The following UPF2 variants were observed in gnomAD, a reference collection of about 807,000 sequenced individuals.
The protein encoded by UPF2 is UPF2 regulator of nonsense mediated mRNA decay.
UPF2 carries 17 observed loss-of-function variants against 141.4 expected under a neutral mutation model. That is an observed-to-expected ratio of 0.12 (90% CI 0.08 to 0.18). UPF2 has a LOEUF of 0.18. UPF2 is among the 10% of genes least tolerant of loss of function. The pLI, the probability that UPF2 is intolerant of heterozygous loss-of-function variation, is 1.00. For missense variants in UPF2, 1,152 were observed against 1,515.9 expected, an observed-to-expected ratio of 0.76 and a Z score of 3.99; for synonymous variants, 540 against 498.0, an observed-to-expected ratio of 1.08 and a Z score of -1.12.
upstream of UPF2, chr10:12,043,068 G>C (rs1834769605): frequency 1.3e-5 from 2 of 152,408 alleles, no homozygotes; most frequent in Admixed American, 1.3e-4. Flanking sequence ...CCGGGGCAAA[G>C]GCTCATATGA....
In UPF2 at chr10:12,029,208, G is replaced by C; in HGVS notation, c.682C>G (p.Leu228Val). 2 of 1,614,196 alleles carry C rather than the reference G, an allele frequency of 1.2e-6. No individual in the cohort carries two copies. The highest frequency in any genetic ancestry group is 8.5e-7 in the Non-Finnish European group (1 of 1,180,034). Residue 228 changes from leucine to valine, a missense_variant, in exon 3 of 22, where the codon CTC becomes GTC. By Grantham distance (32) the Leu-to-Val change is conservative. Coordinates refer to ENST00000357604, the MANE Select transcript of UPF2 (RefSeq NM_015542.4). ...DVNCAVHLCS[L>V]FHQRYADFAP... ...AAGTCAGCATAACGCTGGTGAAAGAGAGAGCAGAGGTGCACAGCACAGTTC... is the reference window on the plus strand; with the variant it reads ...AAGTCAGCATAACGCTGGTGAAAGACAGAGCAGAGGTGCACAGCACAGTTC...
intron 21 of UPF2, among the ~76,000 whole-genome samples, chr10:11,922,220 C>T (rs1261565798): frequency 6.6e-6 from 1 of 152,174 alleles, no homozygotes; most frequent in Non-Finnish European, 1.5e-5. Context: ...TTCCTGCCGG[C>T]GGCCTCCAGT....
rs1832917446 is a variant in UPF2 at position 11,939,991 on chromosome 10, AG to A, written c.3378+2673del. Among the ~76,000 whole-genome samples, 1 of 152,222 alleles carries A rather than the reference AG, an allele frequency of 6.6e-6. No individual in the cohort carries two copies. Among genetic ancestry groups the A allele is most frequent in the Non-Finnish European group, 1.5e-5 (1 of 68,048 alleles). ...AACATCTTCCTGGTGTGATATAATT[AG>A]GATTATACTAAGTTTAAGGGCTTGA... On this transcript the variant is annotated intron_variant, in intron 18 of 21. Transcript: ENST00000357604. The surrounding 1 kb of genome is among the most constrained non-coding windows in gnomAD (Gnocchi z 4.8).
At position 11,992,250 on chromosome 10, in the gene UPF2, G is replaced by A. The variant is rs1387307374; in HGVS notation, c.1844+5422C>T. 6.6e-6 allele frequency among the ~76,000 whole-genome samples: 1 copy of A among 152,140 alleles called. No homozygotes were observed. Among genetic ancestry groups the A allele is most frequent in the Non-Finnish European group, 1.5e-5 (1 of 68,022 alleles). On this transcript the variant is annotated intron_variant, in intron 8 of 21. Coordinates refer to ENST00000357604, the MANE Select transcript of UPF2 (RefSeq NM_015542.4). The surrounding 1 kb of genome is among the most constrained non-coding windows in gnomAD (Gnocchi z 4.1). Reference sequence around the variant, plus strand: ...GGATATGTCATCAATATAAAAATAAGTGAGGGGGGATGGAAAAGCAGACAG... The same window carrying A: ...GGATATGTCATCAATATAAAAATAAATGAGGGGGGATGGAAAAGCAGACAG...
Position 12,028,862 on chromosome 10 carries a change from A to C in UPF2, c.1028T>G (p.Ile343Arg). 6.2e-7 allele frequency: 1 copy of C among 1,614,154 alleles called. No homozygotes were observed. Among genetic ancestry groups the C allele is most frequent in the Non-Finnish European group, 8.5e-7 (1 of 1,180,030 alleles). ...GGGCTGTTGTTTCTCTGGACTAATT[A>C]TCTCACTAGGAGGAAAACTCAAATT... Reference protein sequence around the residue: ...KFNLSFPPSEIISPEKQQPFQ... With the variant: ...KFNLSFPPSERISPEKQQPFQ... Residue 343 changes from isoleucine to arginine, a missense_variant, in exon 3 of 22, where the codon ATA becomes AGA. Transcript: ENST00000357604.
Position 12,029,256 on chromosome 10 carries a change from C to T in UPF2, c.634G>A (p.Ala212Thr), listed in dbSNP as rs752224851. ...IAEAVASIVE[A>T]KLKISDVNCA... is the part of the protein sequence containing the mutation. ...TTCACATCAGAGATTTTTAGTTTTGCTTCCACGATGGAAGCTACAGCTTCT... is the reference window on the plus strand; with the variant it reads ...TTCACATCAGAGATTTTTAGTTTTGTTTCCACGATGGAAGCTACAGCTTCT... Residue 212 changes from alanine (A) to threonine (T), a missense_variant, in exon 3 of 22, where the codon GCA (alanine) becomes ACA (threonine). Physicochemically the swap from Ala to Thr is moderately conservative, Grantham distance 58 (BLOSUM62 0). Around this residue, in one of 4 missense-constraint regions of UPF2, gnomAD observed 739 missense variants for 1,032.2 expected, o/e 0.72. Transcript: ENST00000357604. 26 of 1,614,026 alleles carry T rather than the reference C, an allele frequency of 1.6e-5. No homozygotes were observed. Among genetic ancestry groups the T allele is most frequent in the Non-Finnish European group, 8.5e-7 (1 of 1,180,016 alleles).
chr10:12,003,036 C>G (rs1833978029), intron 5 of UPF2, among the ~76,000 whole-genome samples: 1 of 152,202 alleles, frequency 6.6e-6, no homozygotes, highest in Non-Finnish European at 1.5e-5. Flanking sequence ...AAAACTCTAA[C>G]TAGTATGAAT....
intron 7 of UPF2, 125 bp downstream of exon 7, chr10:11,999,780 TA>T: frequency 1.3e-6 from 1 of 773,920 alleles, no homozygotes; most frequent in Non-Finnish European, 2.2e-6. Flanking sequence ...AATTCCCATC[TA>T]AGACTTTATT....
chr10:11,978,528 C>T (rs923541522), intron 9 of UPF2, among the ~76,000 whole-genome samples: 3 of 152,090 alleles, frequency 2.0e-5, no homozygotes, highest in African/African-American at 7.2e-5. Flanking sequence ...GTAACAGGCC[C>T]CTGTTATTTC....
chr10:12,029,331 C>A lies in UPF2; in HGVS notation c.559G>T (p.Asp187Tyr), dbSNP rs769310247. The A allele has an allele frequency of 1.7e-5, 28 of 1,614,024 alleles. No homozygotes were observed. The South Asian group carries it at 3.1e-4, about 18-fold the overall frequency. The change falls in exon 3 of 22, where the codon GAC (aspartate) becomes TAC (tyrosine). Residue 187 changes from aspartate to tyrosine, a missense_variant. Coordinates refer to ENST00000357604, the MANE Select transcript of UPF2 (RefSeq NM_015542.4). ...CCATTAAAATCATGGGACAAGGAGTCTCTCTGTTGTTCTGTAATAGTTTTT... is the reference window on the plus strand; with the variant it reads ...CCATTAAAATCATGGGACAAGGAGTATCTCTGTTGTTCTGTAATAGTTTTT... Reference protein sequence around the residue: ...KLKTITEQQRDSLSHDFNGLN... With the variant: ...KLKTITEQQRYSLSHDFNGLN...
chr10:11,960,304 C>T (rs1169946876), intron 11 of UPF2, among the ~76,000 whole-genome samples: 1 of 152,092 alleles, frequency 6.6e-6, no homozygotes, highest in Non-Finnish European at 1.5e-5. Context: ...CCTAGCAACT[C>T]GGGAAGCTGA....
intron 16 of UPF2, among the ~76,000 whole-genome samples, chr10:11,945,308 T>C (rs942172088): frequency 2.6e-5 from 4 of 152,224 alleles, no homozygotes; most frequent in African/African-American, 4.8e-5. Flanking sequence ...AACACAGCAT[T>C]TGTTTTTAAG....
chr10:12,035,655 T>C, intron 1 of UPF2: 1 of 466,082 alleles, frequency 2.1e-6, no homozygotes, highest in South Asian at 6.8e-5. Flanking sequence ...TAAGTACTTG[T>C]TTTTTACTTT....
chr10:12,014,079 T>C lies in UPF2; in HGVS notation c.1251A>G (p.Ala417=). 1 of 1,599,434 alleles carries C rather than the reference T, an allele frequency of 6.3e-7. No homozygotes were observed. The stretch of plus-strand genomic sequence containing the variant: ...CTGGCATATTTTCATCCAAAAGGTC[T>C]GCTAAGGATTGAGAATTTGCCAGCA... ...QKLLANSQSL[A]DLLDENMPDL... The change falls in exon 4 of 22, where the codon GCA becomes GCG. Residue 417 remains alanine (A), a synonymous_variant. Coordinates refer to ENST00000357604, the MANE Select transcript of UPF2 (RefSeq NM_015542.4). This position sits in a 1 kb window ranked among gnomAD's most constrained non-coding sequence, Gnocchi z 5.0.
In UPF2 at chr10:11,920,885, G is replaced by T; in HGVS notation, c.*413C>A. The T allele has an allele frequency of 2.5e-6, 1 of 407,018 alleles. No homozygotes were observed. The highest frequency in any genetic ancestry group is 5.0e-6 in the Non-Finnish European group (1 of 199,008). The allele number at this position is 407,018 out of a possible 1,614,324, so 25.2% of individuals were successfully genotyped here. A position where few individuals can be genotyped will look rare whatever the true frequency, so the allele number is the denominator to read the frequency against. On this transcript the variant is annotated 3_prime_UTR_variant, in exon 22 of 22. Coordinates refer to ENST00000357604, the MANE Select transcript of UPF2 (RefSeq NM_015542.4). ...TCCAACGTGGGATGTTCAATTCAGA[G>T]ACACTGAAACTCAAATCAAGTTTAA... is the stretch of plus-strand genomic sequence containing the variant.
At chr10:12,037,523 G>C (rs913264329) in intron 1 of UPF2, among the ~76,000 whole-genome samples, 2 of 150,036 alleles carry the variant, frequency 1.3e-5, no homozygotes, top group East Asian at 3.9e-4. Context: ...AGCCTCCCAA[G>C]TACCTGAGAT....
At position 11,960,447 on chromosome 10, in the gene UPF2, A is replaced by G. The variant is rs571281376; in HGVS notation, c.2185-1091T>C. ...GCTGGGCACAGTGGTAGGTACCTGT[A>G]GTCCCAGCTACTCGGGAAGCTGAAG... On this transcript the variant is annotated intron_variant, in intron 11 of 21. Coordinates refer to ENST00000357604, the MANE Select transcript of UPF2 (RefSeq NM_015542.4). Among the ~76,000 whole-genome samples the G allele has an allele frequency of 2.0e-5, 3 of 152,308 alleles. No individual in the cohort carries two copies. The East Asian group carries it at 5.8e-4, about 29-fold the overall frequency.
rs1428121640 is a variant in UPF2, at chr10:11,929,993, T to G, written c.3689-8A>C. On this transcript the variant is annotated splice_polypyrimidine_tract_variant and splice_region_variant and intron_variant, in intron 20 of 21. Coordinates refer to ENST00000357604, the MANE Select transcript of UPF2 (RefSeq NM_015542.4). Reference sequence around the variant, plus strand: ...CAAGAGACTGCAACATTTCTGTAATTAGGAGCAAAAAAAGAGAATGCTGTT... The same window carrying G: ...CAAGAGACTGCAACATTTCTGTAATGAGGAGCAAAAAAAGAGAATGCTGTT... The G allele has an allele frequency of 6.2e-7, 1 of 1,612,884 alleles. No homozygotes were observed. The highest frequency in any genetic ancestry group is 8.5e-7 in the Non-Finnish European group (1 of 1,179,672).
intron 2 of UPF2, among the ~76,000 whole-genome samples, chr10:12,034,799 C>T (rs867039634): frequency 6.6e-6 from 1 of 152,076 alleles, no homozygotes; most frequent in Non-Finnish European, 1.5e-5. Flanking sequence ...AGCAAAATTC[C>T]GTCTCAAAAT....
Sources: allele counts gnomAD v4.1 joint callset (sites outside exome capture counted in the v4.1 genomes callset), GRCh38; gene constraint gnomAD v4.1.1; regional missense constraint gnomAD v4.1.1; non-coding constraint Gnocchi (gnomAD v3.1); transcripts MANE v1.5; gene names NCBI Gene and HGNC (gene_info 2026-07-23, HGNC 2026-07-21).